CEP112: variants seen among roughly 807,000 people sequenced by gnomAD.
The protein encoded by CEP112 is centrosomal protein of 112 kDa.
CEP112 carries 127 observed loss-of-function variants against 153.0 expected under a neutral mutation model. The observed-to-expected ratio is 0.83, with a 90% CI of 0.72 to 0.96. The LOEUF is 0.96. Among genes scored for constraint, CEP112 ranks in the 40% least tolerant of loss-of-function variants. The pLI is 0.00. For missense variants in CEP112, 1,089 were observed against 1,101.2 expected, an observed-to-expected ratio of 0.99 and a Z score of 0.16; for synonymous variants, 358 against 374.4, an observed-to-expected ratio of 0.96 and a Z score of 0.51.
At chr17:65,677,585 A>G (rs935022739) in intron 24 of CEP112, among the ~76,000 whole-genome samples, 5 of 152,094 alleles carry the variant, frequency 3.3e-5, no homozygotes, top group African/African-American at 9.7e-5. Context: ...CCTTGTTTCT[A>G]GTTTAAACTG....
chr17:65,976,528 A>G (rs1340264150), intron 17 of CEP112, among the ~76,000 whole-genome samples: 1 of 152,098 alleles, frequency 6.6e-6, no homozygotes, highest in Non-Finnish European at 1.5e-5. Context: ...AATCTTCCTT[A>G]AAATTTCTAA....
intron 21 of CEP112, among the ~76,000 whole-genome samples, chr17:65,806,202 A>T (rs2055586481): frequency 6.6e-6 from 1 of 152,206 alleles, no homozygotes; most frequent in South Asian, 2.1e-4. Context: ...GCATGTGCCC[A>T]GGGGAAACAA....
At chr17:65,959,395 C>A (rs1374288800) in intron 18 of CEP112, among the ~76,000 whole-genome samples, 2 of 152,224 alleles carry the variant, frequency 1.3e-5, no homozygotes, top group African/African-American at 4.8e-5. Flanking sequence ...CTTGCTTACC[C>A]TCCACTTGTC....
At chr17:65,905,257 GA>G (rs370411113) in intron 19 of CEP112, among the ~76,000 whole-genome samples, 2,408 of 151,288 alleles carry the variant, frequency 0.016, 57 homozygotes, top group African/African-American at 0.055. Flanking sequence ...AAATTTACAA[GA>G]AAAAAAACAA....
At chr17:66,158,630 A>C (rs541697911) in intron 4 of CEP112, among the ~76,000 whole-genome samples, 1 of 152,290 alleles carries the variant, frequency 6.6e-6, no homozygotes, top group Non-Finnish European at 1.5e-5. Context: ...AAAAAAAGAA[A>C]TAAAGTTGTT....
At chr17:65,681,624 C>T (rs1412080312) in intron 24 of CEP112, among the ~76,000 whole-genome samples, 3 of 150,832 alleles carry the variant, frequency 2.0e-5, no homozygotes, top group African/African-American at 7.3e-5. Flanking sequence ...CAACACATTC[C>T]TTTCTTCCAC....
intron 23 of CEP112, among the ~76,000 whole-genome samples, chr17:65,713,093 A>T (rs941967370): frequency 6.6e-6 from 1 of 152,174 alleles, no homozygotes; most frequent in African/African-American, 2.4e-5. Context: ...TTCCCTGCAT[A>T]CTGTTTCCAT....
intron 23 of CEP112, among the ~76,000 whole-genome samples, chr17:65,710,890 T>A (rs1210247138): frequency 3.3e-5 from 5 of 152,230 alleles, no homozygotes; most frequent in Non-Finnish European, 7.3e-5. Context: ...GCAACCTTCA[T>A]TAAAAAGTGA....
At chr17:65,985,575 A>C (rs2063378573) in intron 17 of CEP112, among the ~76,000 whole-genome samples, 1 of 152,156 alleles carries the variant, frequency 6.6e-6, no homozygotes, top group Non-Finnish European at 1.5e-5. Flanking sequence ...GCTTCAGAAG[A>C]AGTTGTCTAT....
intron 24 of CEP112, among the ~76,000 whole-genome samples, chr17:65,671,416 T>C (rs2046976263): frequency 6.6e-6 from 1 of 152,214 alleles, no homozygotes; most frequent in Non-Finnish European, 1.5e-5. Context: ...AGTCTCTTTG[T>C]GACTGATGTA....
chr17:65,736,971 G>A (rs1030337410), intron 23 of CEP112, among the ~76,000 whole-genome samples: 8 of 152,108 alleles, frequency 5.3e-5, no homozygotes, highest in Non-Finnish European at 1.0e-4. Context: ...AGCCACAACA[G>A]CGACCCGCAG....
chr17:65,943,828 C>T (rs2061572018), intron 18 of CEP112, among the ~76,000 whole-genome samples: 1 of 152,144 alleles, frequency 6.6e-6, no homozygotes, highest in African/African-American at 2.4e-5. Flanking sequence ...TCCATTCTCC[C>T]TGTCTTTTTC....
At chr17:66,043,188 A>C in intron 12 of CEP112, 1 of 377,266 alleles carries the variant, frequency 2.7e-6, no homozygotes, top group Non-Finnish European at 3.6e-6. Flanking sequence ...CACCACCCTA[A>C]CTGAAAGTTA....
At chr17:65,805,309 T>C (rs902101717) in intron 21 of CEP112, among the ~76,000 whole-genome samples, 1 of 152,244 alleles carries the variant, frequency 6.6e-6, no homozygotes, top group African/African-American at 2.4e-5. Flanking sequence ...ATTTAGGAGC[T>C]GCCCTTAGTC....
At chr17:66,112,319 T>C (rs1048627118) in intron 6 of CEP112, among the ~76,000 whole-genome samples, 27 of 149,816 alleles carry the variant, frequency 1.8e-4, no homozygotes, top group African/African-American at 6.4e-4. Context: ...AAAAAAACAA[T>C]GAAAAAAAGA....
At chr17:65,752,030 CCAT>C (rs2051903949) in intron 21 of CEP112, among the ~76,000 whole-genome samples, 1 of 149,274 alleles carries the variant, frequency 6.7e-6, no homozygotes, top group Non-Finnish European at 1.5e-5. Context: ...ATCCATCCAT[CCAT>C]CCATCCATCC....
chr17:65,835,222 A>C (rs1047666249), intron 21 of CEP112, among the ~76,000 whole-genome samples: 4 of 150,850 alleles, frequency 2.7e-5, no homozygotes, highest in Admixed American at 2.6e-4. Context: ...ACTTAATAGG[A>C]CATCAGCAAG....
At chr17:65,636,985 C>G (rs2044806367) in intron 26 of CEP112, 139 bp downstream of exon 26, 1 of 656,486 alleles carries the variant, frequency 1.5e-6, no homozygotes, top group East Asian at 2.7e-5. Context: ...TAAAGACATG[C>G]TACTTACTAA....
intron 12 of CEP112, among the ~76,000 whole-genome samples, chr17:66,031,054 A>G (rs1481243450): frequency 6.6e-6 from 1 of 152,244 alleles, no homozygotes; most frequent in Non-Finnish European, 1.5e-5. Context: ...CATGGTTTAT[A>G]GACTAACTTC....
Sources: allele counts gnomAD v4.1 joint callset (sites outside exome capture counted in the v4.1 genomes callset), GRCh38; gene constraint gnomAD v4.1.1; transcripts MANE v1.5; gene names NCBI Gene and HGNC (gene_info 2026-07-23, HGNC 2026-07-21).